Variants in FOXN3 observed in about 807,000 individuals in gnomAD.
FOXN3 encodes forkhead box N3, also known as forkhead box protein N3.
A neutral mutation model predicts 38.4 loss-of-function variants in FOXN3; 7 were observed. That is an observed-to-expected ratio of 0.18 (90% confidence interval 0.10 to 0.34). The LOEUF (loss-of-function observed/expected upper bound fraction) is 0.34. Among genes scored for constraint, FOXN3 ranks in the 10% least tolerant of loss-of-function variants. The pLI, the probability that FOXN3 is intolerant of heterozygous loss-of-function variation, is 1.00. For missense variants in FOXN3, 456 were observed against 613.4 expected (o/e 0.74, Z 2.71); for synonymous variants, 230 against 242.2 (o/e 0.95, Z 0.47).
intron 4 of FOXN3, among the ~76,000 whole-genome samples, chr14:89,246,330 C>T (rs1014888003): frequency 1.1e-4 from 17 of 152,030 alleles, no homozygotes; most frequent in African/African-American, 4.1e-4. Flanking sequence ...TTTCCCGGGG[C>T]ATGATTTCCT....
At chr14:89,585,116 C>T (rs1018290996) in intron 1 of FOXN3, among the ~76,000 whole-genome samples, 4 of 152,128 alleles carry the variant, frequency 2.6e-5, no homozygotes, top group African/African-American at 4.8e-5. Flanking sequence ...TCTAATCAAA[C>T]GCAATGTATA....
intron 1 of FOXN3, among the ~76,000 whole-genome samples, chr14:89,547,842 G>A (rs1350722547): frequency 1.3e-5 from 2 of 152,128 alleles, no homozygotes; most frequent in African/African-American, 2.4e-5. Context: ...CCTAACTGAA[G>A]TTCTAGCTTA....
chr14:89,519,258 C>T (rs1455014752), intron 1 of FOXN3, among the ~76,000 whole-genome samples: 9 of 152,082 alleles, frequency 5.9e-5, no homozygotes, highest in East Asian at 1.9e-4. Flanking sequence ...ATTTCCCTGC[C>T]GTCCAGAGGT....
chr14:89,334,747 G>GT (rs1888392257), intron 3 of FOXN3, among the ~76,000 whole-genome samples: 1 of 151,692 alleles, frequency 6.6e-6, no homozygotes, highest in Non-Finnish European at 1.5e-5. Context: ...TTTGTTCTTT[G>GT]TTTGTTTTGT....
chr14:89,359,283 G>A (rs1363570215), intron 2 of FOXN3, among the ~76,000 whole-genome samples: 1 of 150,164 alleles, frequency 6.7e-6, no homozygotes, highest in Non-Finnish European at 1.5e-5. Context: ...GCAACAGAGC[G>A]AGACTCCATC....
intron 1 of FOXN3, among the ~76,000 whole-genome samples, chr14:89,458,746 T>C (rs1263075975): frequency 6.6e-6 from 1 of 152,132 alleles, no homozygotes; most frequent in Non-Finnish European, 1.5e-5. Context: ...GCTGGTTCCA[T>C]GTGAGCCTCA....
intron 1 of FOXN3, among the ~76,000 whole-genome samples, chr14:89,538,279 T>TC (rs1894728085): frequency 6.6e-6 from 1 of 152,082 alleles, no homozygotes; most frequent in African/African-American, 2.4e-5. Flanking sequence ...ACCCAGTTCC[T>TC]CCCCTCAAGG....
intron 4 of FOXN3, among the ~76,000 whole-genome samples, chr14:89,199,905 GACA>G (rs367780395): frequency 0.042 from 6,405 of 151,628 alleles, 181 homozygotes; most frequent in African/African-American, 0.074. Context: ...CTCCATCTCA[GACA>G]ACAACAACAA....
At chr14:89,314,913 T>C (rs1460987222) in intron 3 of FOXN3, among the ~76,000 whole-genome samples, 4 of 152,196 alleles carry the variant, frequency 2.6e-5, no homozygotes, top group Admixed American at 6.5e-5. Flanking sequence ...GACACTCTCA[T>C]AAACTCAGCC....
At chr14:89,178,422 T>C (rs1887581782) in intron 5 of FOXN3, among the ~76,000 whole-genome samples, 1 of 152,180 alleles carries the variant, frequency 6.6e-6, no homozygotes, top group South Asian at 2.1e-4. Context: ...AGTGCTGAGA[T>C]TATAGGCATG....
chr14:89,421,672 A>G (rs931738471), upstream of FOXN3, among the ~76,000 whole-genome samples: 1 of 150,406 alleles, frequency 6.6e-6, no homozygotes, highest in Non-Finnish European at 1.5e-5. Flanking sequence ...GATTACAGGC[A>G]TGCACCACCA....
At chr14:89,219,125 T>C (rs10138201) in intron 4 of FOXN3, among the ~76,000 whole-genome samples, 3,102 of 152,314 alleles carry the variant, frequency 0.02, 112 homozygotes, top group African/African-American at 0.071. Flanking sequence ...CCAAATCTCA[T>C]GTCGAATTGT....
chr14:89,537,021 C>T (rs1032431733), intron 1 of FOXN3, among the ~76,000 whole-genome samples: 1 of 152,160 alleles, frequency 6.6e-6, no homozygotes, highest in East Asian at 1.9e-4. Flanking sequence ...AAAGCGTCTC[C>T]AGAGCACCAG....
At chr14:89,388,229 T>C (rs1296698704) in intron 2 of FOXN3, among the ~76,000 whole-genome samples, 2 of 152,088 alleles carry the variant, frequency 1.3e-5, no homozygotes, top group Non-Finnish European at 2.9e-5. Context: ...CCATGGGGCC[T>C]GGAAAGTCAG....
At chr14:89,600,776 G>A (rs974913886) in intron 1 of FOXN3, among the ~76,000 whole-genome samples, 2 of 152,124 alleles carry the variant, frequency 1.3e-5, no homozygotes, top group African/African-American at 4.8e-5. Flanking sequence ...CTGAGACTTG[G>A]TGCATTTGTG....
In FOXN3 at chr14:89,423,548, T is replaced by A. The variant is rs569496419; in HGVS notation, c.-14-11058A>T. On this transcript the variant is annotated intron_variant, in intron 1 of 6. Transcript: ENST00000345097. ...GCAGATGAAAACAGGGTTAATATTT[T>A]AAATTTATAAATCTTACAACTCAAT... 2.0e-5 allele frequency among the ~76,000 whole-genome samples: 3 copies of A among 152,340 alleles called. No individual in the cohort carries two copies. The South Asian group carries it at 6.2e-4, about 32-fold the overall frequency.
chr14:89,544,910 C>A (rs1397255850), intron 1 of FOXN3, among the ~76,000 whole-genome samples: 2 of 152,174 alleles, frequency 1.3e-5, no homozygotes, highest in Non-Finnish European at 2.9e-5. Flanking sequence ...TTTTTGGAAT[C>A]TTCCATTTAA....
At chr14:89,523,687 T>G (rs1391320739) in intron 1 of FOXN3, among the ~76,000 whole-genome samples, 1 of 152,214 alleles carries the variant, frequency 6.6e-6, no homozygotes, top group Admixed American at 6.5e-5. Context: ...TGTGGAACAC[T>G]GCTAAAGCAG....
At chr14:89,579,743 C>T (rs1213141243) in intron 1 of FOXN3, among the ~76,000 whole-genome samples, 1 of 152,154 alleles carries the variant, frequency 6.6e-6, no homozygotes, top group Non-Finnish European at 1.5e-5. Context: ...GCCACCCTTA[C>T]CAAATGGTTC....
Sources: gnomAD v4.1 joint callset for allele counts (sites outside exome capture counted in the v4.1 genomes callset) on GRCh38, gnomAD v4.1.1 for gene constraint, MANE v1.5 for transcripts, NCBI Gene and HGNC (gene_info 2026-07-23, HGNC 2026-07-21) for gene names.